Variants in SKA3 observed in about 807,000 individuals in gnomAD.
The protein encoded by SKA3 is spindle and kinetochore associated complex subunit 3.
Under a neutral mutation model 44.2 loss-of-function variants are expected in SKA3, and 39 were observed. The ratio of observed to expected loss-of-function variants is 0.88; its 90% confidence interval spans 0.68 to 1.15. The LOEUF is 1.15. Ranked by LOEUF, SKA3 falls within the 50% of genes most tolerant of loss-of-function variation. SKA3 has a pLI of 0.00. For synonymous variants in SKA3, 192 were observed against 172.0 expected (o/e 1.12, Z -0.91); for missense variants, 511 against 485.8 (o/e 1.05, Z -0.49).
In SKA3 at chr13:21,158,131, GAAT is replaced by G. The variant is rs765383514; in HGVS notation, c.916-9_916-7del. On this transcript the variant is annotated splice_region_variant and splice_polypyrimidine_tract_variant and intron_variant, in intron 6 of 8. Coordinates refer to ENST00000314759, the MANE Select transcript of SKA3 (RefSeq NM_145061.6). ...AATGGGTAATTTGTGGATACCTATT[GAAT>G]AAAAATAGACCATTAAATTATGGTA... 2.6e-6 allele frequency: 3 copies of G among 1,170,310 alleles called. No homozygotes were observed. In the South Asian group the frequency reaches 5.0e-5, roughly 19 times the overall value. 72.5% of individuals were successfully genotyped at this position (1,170,310 alleles called of 1,614,324 possible).
At chr13:21,172,752 T>C (rs1442299868) in intron 1 of SKA3, 71 bp from the exon 2 acceptor site, 2 of 829,270 alleles carry the variant, frequency 2.4e-6, no homozygotes, top group Non-Finnish European at 3.8e-6. Context: ...AAGAATAGTA[T>C]ACAATCATAT....
chr13:21,158,016 G>A lies in SKA3; in HGVS notation c.1025C>T (p.Thr342Ile), dbSNP rs753283392. 6.2e-7 allele frequency: 1 copy of A among 1,613,308 alleles called. No individual in the cohort carries two copies. Among genetic ancestry groups the A allele is most frequent in the Non-Finnish European group, 8.5e-7 (1 of 1,179,334 alleles). Reference protein sequence around the residue: ...LNSDTCFENLTDPSSPTISSY... With the variant: ...LNSDTCFENLIDPSSPTISSY... ...AGAAATCGTAGGTGAAGAGGGATCTGTTAAATTCTCAAAGCATGTGTCTGA... is the reference window on the plus strand; with the variant it reads ...AGAAATCGTAGGTGAAGAGGGATCTATTAAATTCTCAAAGCATGTGTCTGA... The change falls in exon 7 of 9, where the codon ACA becomes ATA. Residue 342 changes from threonine (T) to isoleucine (I), a missense_variant. By Grantham distance (89) the Thr-to-Ile change is moderately conservative. Coordinates refer to ENST00000314759, the MANE Select transcript of SKA3 (RefSeq NM_145061.6).
intron 3 of SKA3, 150 bp downstream of exon 3, chr13:21,172,189 C>A (rs1281479121): frequency 2.3e-5 from 12 of 524,724 alleles, no homozygotes; most frequent in African/African-American, 3.9e-5. Context: ...GCACACCACA[C>A]AGTGAGAGTT....
chr13:21,161,861 T>A lies in SKA3; in HGVS notation c.758A>T (p.Asp253Val), dbSNP rs569387010. 2.1e-5 allele frequency: 34 copies of A among 1,610,844 alleles called. No individual in the cohort carries two copies. The highest frequency in any genetic ancestry group is 1.9e-4 in the African/African-American group (14 of 74,966). ...ARNNKSEEAI[D>V]TESRLNDNVF... is the part of the protein sequence containing the mutation. ...ATTATCATTGAGCCTGGATTCTGTA[T>A]CTATGGCCTCCTCACTGGTGTGATT... Residue 253 changes from aspartate to valine, a missense_variant, in exon 5 of 9, where the codon GAT (aspartate) becomes GTT (valine). Transcript: ENST00000314759.
chr13:21,176,268 A>T, intron 1 of SKA3, 107 bp downstream of exon 1: 1 of 886,838 alleles, frequency 1.1e-6, no homozygotes, highest in Non-Finnish European at 1.6e-6. Flanking sequence ...GCAGCCGTCC[A>T]CGCCGTCAGT....
intron 1 of SKA3, 33 bp downstream of exon 1, chr13:21,176,342 A>G: frequency 8.1e-7 from 1 of 1,238,428 alleles, no homozygotes; most frequent in Non-Finnish European, 1.1e-6. Flanking sequence ...GGCGCACCCC[A>G]CGCACCGTGC....
chr13:21,157,910 T>G lies in SKA3; in HGVS notation c.1119+12A>C. On this transcript the variant is annotated intron_variant, in intron 7 of 8. Transcript: ENST00000314759. ...TCAGCAAAAAAAAAAAAAAATAGCC[T>G]GGAAAAATAACCTGGAGAATATCTT... 4 of 1,526,550 alleles carry G rather than the reference T, an allele frequency of 2.6e-6. No individual in the cohort carries two copies. The highest frequency in any genetic ancestry group is 1.2e-5 in the South Asian group (1 of 82,798). 94.6% of individuals were successfully genotyped at this position (1,526,550 alleles called of 1,614,324 possible).
intron 3 of SKA3, among the ~76,000 whole-genome samples, chr13:21,171,429 T>A (rs899982310): frequency 4.0e-5 from 6 of 151,868 alleles, no homozygotes; most frequent in Non-Finnish European, 8.8e-5. Flanking sequence ...ACAAAAAAAT[T>A]AGCTGGGCGT....
intron 3 of SKA3, among the ~76,000 whole-genome samples, chr13:21,171,891 C>T (rs1871074687): frequency 6.6e-6 from 1 of 152,008 alleles, no homozygotes; most frequent in South Asian, 2.1e-4. Flanking sequence ...ATTTTAGAAT[C>T]AAAAAAGGAC....
Position 21,168,307 on chromosome 13 carries a change from G to A in SKA3, c.424C>T (p.Pro142Ser), listed in dbSNP as rs375975744. 5.0e-6 allele frequency: 8 copies of A among 1,614,188 alleles called. No homozygotes were observed. In the African/African-American group the frequency reaches 1.1e-4, roughly 22 times the overall value. ...TDVKDDLSDP[P>S]VASSCISEKS... ...TCAGAAATACAACTGCTTGCAACAG[G>A]AGGATCAGACAGATCATCTTTCACA... Residue 142 changes from proline to serine, a missense_variant, in exon 4 of 9, where the codon CCT (proline) becomes TCT (serine). Pro to Ser is a moderately conservative substitution (Grantham distance 74). Coordinates refer to ENST00000314759, the MANE Select transcript of SKA3 (RefSeq NM_145061.6).
chr13:21,176,325 C>G (rs1481795928), intron 1 of SKA3, 50 bp downstream of exon 1: 1 of 1,311,410 alleles, frequency 7.6e-7, no homozygotes, highest in Non-Finnish European at 9.9e-7. Flanking sequence ...CACGCCCCTC[C>G]GCCCGCGGCG....
At chr13:21,176,315 C>A in intron 1 of SKA3, 60 bp downstream of exon 1, 1 of 1,269,818 alleles carries the variant, frequency 7.9e-7, no homozygotes, top group East Asian at 4.4e-5. Context: ...GTCCACTCGC[C>A]ACGCCCCTCC....
intron 1 of SKA3, among the ~76,000 whole-genome samples, chr13:21,174,454 C>A (rs1871305999): frequency 6.6e-6 from 1 of 152,078 alleles, no homozygotes; most frequent in African/African-American, 2.4e-5. Flanking sequence ...ATCTGGAAAC[C>A]ATCATTCTCA....
chr13:21,166,983 A>G (rs1870746473), intron 4 of SKA3, among the ~76,000 whole-genome samples: 1 of 152,142 alleles, frequency 6.6e-6, no homozygotes, highest in Non-Finnish European at 1.5e-5. Flanking sequence ...ATCTATAGAC[A>G]TTGCTTGGCT....
At chr13:21,174,335 A>C (rs1232118807) in intron 1 of SKA3, among the ~76,000 whole-genome samples, 2 of 152,244 alleles carry the variant, frequency 1.3e-5, no homozygotes, top group East Asian at 3.8e-4. Context: ...ACTTGGAACC[A>C]ACCCAAATGT....
chr13:21,164,625 T>A (rs1296681452), intron 4 of SKA3, among the ~76,000 whole-genome samples: 1 of 152,264 alleles, frequency 6.6e-6, no homozygotes, highest in Non-Finnish European at 1.5e-5. Context: ...TTCCTGTCCA[T>A]TGCCTAGGCT....
Position 21,161,861 on chromosome 13 carries a change from T to G in SKA3, c.758A>C (p.Asp253Ala). 6.2e-7 allele frequency: 1 copy of G among 1,610,844 alleles called. No homozygotes were observed. Among genetic ancestry groups the G allele is most frequent in the Non-Finnish European group, 8.5e-7 (1 of 1,177,930 alleles). ...ATTATCATTGAGCCTGGATTCTGTATCTATGGCCTCCTCACTGGTGTGATT... is the reference window on the plus strand; with the variant it reads ...ATTATCATTGAGCCTGGATTCTGTAGCTATGGCCTCCTCACTGGTGTGATT... The part of the protein sequence containing the change: ...ARNNKSEEAI[D>A]TESRLNDNVF... Residue 253 changes from aspartate (D) to alanine (A), a missense_variant, in exon 5 of 9, where the codon GAT becomes GCT. Asp to Ala is a moderately radical substitution (Grantham distance 126, BLOSUM62 -2). Coordinates refer to ENST00000314759, the MANE Select transcript of SKA3 (RefSeq NM_145061.6).
chr13:21,173,841 T>C (rs1325254071), intron 1 of SKA3, among the ~76,000 whole-genome samples: 2 of 152,194 alleles, frequency 1.3e-5, no homozygotes, highest in Non-Finnish European at 2.9e-5. Context: ...TACCAACGTA[T>C]TCATATTTCT....
At chr13:21,156,548 G>C (rs1221945029) in intron 7 of SKA3, among the ~76,000 whole-genome samples, 1 of 152,156 alleles carries the variant, frequency 6.6e-6, no homozygotes, top group Non-Finnish European at 1.5e-5. Context: ...TAGGGAAGTG[G>C]AAACTATATA....
Sources: gnomAD v4.1 joint callset for allele counts (sites outside exome capture counted in the v4.1 genomes callset) on GRCh38, gnomAD v4.1.1 for gene constraint, MANE v1.5 for transcripts, NCBI Gene and HGNC (gene_info 2026-07-23, HGNC 2026-07-21) for gene names.